SDK2: variants seen among roughly 807,000 people sequenced by gnomAD.
SDK2 encodes sidekick cell adhesion molecule 2, also known as protein sidekick-2.
A neutral mutation model predicts 253.9 loss-of-function variants in SDK2; 105 were observed. The ratio of observed to expected loss-of-function variants is 0.41; its 90% CI spans 0.35 to 0.49. The LOEUF (loss-of-function observed/expected upper bound fraction) is 0.49. SDK2 is among the 20% of genes least tolerant of loss of function. SDK2 has a pLI of 0.06. For missense variants in SDK2, 2,608 were observed against 3,003.0 expected (o/e 0.87, Z 3.07); for synonymous variants, 1,249 against 1,234.9 (o/e 1.01, Z -0.24).
intron 15 of SDK2, among the ~76,000 whole-genome samples, 157 bp from the exon 16 acceptor site, chr17:73,419,463 C>T (rs2063210158): frequency 6.6e-6 from 1 of 152,066 alleles, no homozygotes; most frequent in African/African-American, 2.4e-5. Flanking sequence ...TGAGCTTGTT[C>T]TATAAAAGAA....
chr17:73,610,248 G>A (rs778953131), intron 1 of SDK2, among the ~76,000 whole-genome samples: 5 of 152,198 alleles, frequency 3.3e-5, no homozygotes, highest in Admixed American at 6.5e-5. Context: ...GAGGAAACCC[G>A]TAGGTTTCAT....
rs1015942358 is a variant in SDK2, at chr17:73,582,283, C to T, written c.64+61742G>A. On this transcript the variant is annotated intron_variant, in intron 1 of 44. Coordinates refer to ENST00000392650, the MANE Select transcript of SDK2 (RefSeq NM_001144952.2). ...CCACGCAGGCATCAGCATTTGGGGG[C>T]GCACACCACGCAGGCATCAGCATTT... 5.2e-5 allele frequency among the ~76,000 whole-genome samples: 7 copies of T among 133,566 alleles called. No homozygotes were observed. The South Asian group carries it at 7.4e-4, about 14-fold the overall frequency. The allele number at this position is 133,566 out of a possible 152,430, so 87.6% of individuals were successfully genotyped here. A position where few individuals can be genotyped will look rare whatever the true frequency, so the allele number is the denominator to read the frequency against.
intron 3 of SDK2, among the ~76,000 whole-genome samples, chr17:73,462,145 A>G (rs990540437): frequency 6.6e-6 from 1 of 151,610 alleles, no homozygotes; most frequent in East Asian, 1.9e-4. Context: ...GGTGGGATGT[A>G]TAGTTGTATG....
rs188587960 is a variant in SDK2, at chr17:73,618,570, T to C, written c.64+25455A>G. Among the ~76,000 whole-genome samples the C allele has an allele frequency of 1.0e-3, 158 of 152,292 alleles. No individual in the cohort carries two copies. Among genetic ancestry groups the C allele is most frequent in the Non-Finnish European group, 1.6e-3 (111 of 68,024 alleles). ...ATGAGAGAGGAAAAAGGAGTCTCCATTTCTGCCCCATGAACAGGAAGGGTG... is the reference window on the plus strand; with the variant it reads ...ATGAGAGAGGAAAAAGGAGTCTCCACTTCTGCCCCATGAACAGGAAGGGTG... On this transcript the variant is annotated intron_variant, in intron 1 of 44. Coordinates refer to ENST00000392650, the MANE Select transcript of SDK2 (RefSeq NM_001144952.2). The surrounding 1 kb of genome is among the most constrained non-coding windows in gnomAD (Gnocchi z 4.1).
chr17:73,464,781 A>G (rs2063586155), intron 3 of SDK2, among the ~76,000 whole-genome samples: 1 of 152,102 alleles, frequency 6.6e-6, no homozygotes, highest in Admixed American at 6.6e-5. Context: ...CCATCATATC[A>G]AATAAGACCC....
chr17:73,352,675 G>T lies in SDK2; in HGVS notation c.5594-38C>A. 1 of 1,607,598 alleles carries T rather than the reference G, an allele frequency of 6.2e-7. No homozygotes were observed. ...AGAGATGGAGGCCCTGGGAGGTGAG[G>T]GGAAGCCCCAAATCCCGCTCCCAGC... is the stretch of plus-strand genomic sequence containing the variant. On this transcript the variant is annotated intron_variant, in intron 40 of 44. Transcript: ENST00000392650. This position sits in a 1 kb window ranked among gnomAD's most constrained non-coding sequence, Gnocchi z 4.1.
chr17:73,540,875 T>C (rs1018343293), intron 1 of SDK2, among the ~76,000 whole-genome samples: 5 of 152,150 alleles, frequency 3.3e-5, no homozygotes, highest in Non-Finnish European at 7.4e-5. Flanking sequence ...TGACAGGAGA[T>C]AAGTGGGTGG....
Position 73,361,609 on chromosome 17 carries a change from G to A in SDK2, c.5467+75C>T. On this transcript the variant is annotated intron_variant, in intron 39 of 44. Transcript: ENST00000392650. The surrounding 1 kb of genome is among the most constrained non-coding windows in gnomAD (Gnocchi z 4.1). ...GTTTCCAGGGTCCAGCACAGCTCTT[G>A]ACACCGGGGGCCCCTTCTGACTGGG... The A allele has an allele frequency of 6.7e-7, 1 of 1,491,560 alleles. No individual in the cohort carries two copies. The highest frequency in any genetic ancestry group is 9.2e-7 in the Non-Finnish European group (1 of 1,085,510). The allele number at this position is 1,491,560 out of a possible 1,614,324, so 92.4% of individuals were successfully genotyped here. A position where few individuals can be genotyped will look rare whatever the true frequency, so the allele number is the denominator to read the frequency against.
chr17:73,469,201 G>A (rs1467820215), intron 3 of SDK2, among the ~76,000 whole-genome samples: 1 of 152,156 alleles, frequency 6.6e-6, no homozygotes, highest in Non-Finnish European at 1.5e-5. Context: ...GGCACTACCC[G>A]CAAAGCCCTT....
At chr17:73,627,887 C>T (rs968105890) in intron 1 of SDK2, among the ~76,000 whole-genome samples, 4 of 151,852 alleles carry the variant, frequency 2.6e-5, no homozygotes, top group Non-Finnish European at 4.4e-5. Flanking sequence ...GTCTCCACTA[C>T]AAATACAAAA....
At chr17:73,559,946 C>G (rs1025282671) in intron 1 of SDK2, among the ~76,000 whole-genome samples, 4 of 152,176 alleles carry the variant, frequency 2.6e-5, no homozygotes, top group Non-Finnish European at 5.9e-5. Context: ...CTTTAGCTTG[C>G]TGGGCTCAGT....
intron 8 of SDK2, among the ~76,000 whole-genome samples, chr17:73,436,252 G>A (rs1032786249): frequency 1.3e-5 from 2 of 151,790 alleles, no homozygotes; most frequent in African/African-American, 4.8e-5. Context: ...TCCTCTCCTC[G>A]CTCTCAGCCT....
In SDK2 at chr17:73,433,760, C is replaced by T. The variant is rs368288903; in HGVS notation, c.1284G>A (p.Ala428=). Residue 428 remains alanine (A), a synonymous_variant, in exon 10 of 45, where the codon GCG becomes GCA. Coordinates refer to ENST00000392650, the MANE Select transcript of SDK2 (RefSeq NM_001144952.2). Reference sequence around the variant, plus strand: ...TCTGCCAAGTGATAGCTGGTCGGGGCGCCCCCGAGGTCTCACATGCTAGCA... The same window carrying T: ...TCTGCCAAGTGATAGCTGGTCGGGGTGCCCCCGAGGTCTCACATGCTAGCA... ...SVVLACETSG[A]PRPAITWQKG... is the part of the protein sequence containing the mutation. 22 of 1,607,108 alleles carry T rather than the reference C, an allele frequency of 1.4e-5. No individual in the cohort carries two copies. The highest frequency in any genetic ancestry group is 1.7e-4 in the Middle Eastern group (1 of 6,038).
intron 3 of SDK2, 87 bp downstream of exon 3, chr17:73,472,025 G>T: frequency 2.1e-6 from 2 of 970,818 alleles, no homozygotes; most frequent in Non-Finnish European, 3.1e-6. Context: ...GCCATGACGG[G>T]ATCTGGCTCT....
In SDK2 at chr17:73,496,400, C is replaced by T. The variant is rs1014185912; in HGVS notation, c.224+11038G>A. 3.3e-5 allele frequency among the ~76,000 whole-genome samples: 5 copies of T among 152,090 alleles called. No homozygotes were observed. Among genetic ancestry groups the T allele is most frequent in the African/African-American group, 9.7e-5 (4 of 41,396 alleles). ...GGGCTGGATCTGGGAAGATAAACAA[C>T]GGTTTGCCAGGTAGCAGAGGCGTGC... is the stretch of plus-strand genomic sequence containing the variant. On this transcript the variant is annotated intron_variant, in intron 2 of 44. Transcript: ENST00000392650. This position sits in a 1 kb window ranked among gnomAD's most constrained non-coding sequence, Gnocchi z 4.7.
intron 3 of SDK2, among the ~76,000 whole-genome samples, chr17:73,464,854 C>T (rs2063586681): frequency 6.6e-6 from 1 of 152,202 alleles, no homozygotes; most frequent in Non-Finnish European, 1.5e-5. Context: ...TAGTTTTTGT[C>T]ATGGGCCTTA....
At position 73,505,175 on chromosome 17, in the gene SDK2, C is replaced by T. The variant is rs530186315; in HGVS notation, c.224+2263G>A. 2.0e-5 allele frequency among the ~76,000 whole-genome samples: 3 copies of T among 152,298 alleles called. No homozygotes were observed. The East Asian group carries it at 5.8e-4, about 29-fold the overall frequency. On this transcript the variant is annotated intron_variant, in intron 2 of 44. Coordinates refer to ENST00000392650, the MANE Select transcript of SDK2 (RefSeq NM_001144952.2). ...GTTAGCCGAAAGATTGCTTAGGATA[C>T]ACATTAAGGAAGCAATTGCAGCAAT... is the stretch of plus-strand genomic sequence containing the variant.
chr17:73,346,223 A>AG (rs1469369457), intron 44 of SDK2, among the ~76,000 whole-genome samples: 1 of 151,996 alleles, frequency 6.6e-6, no homozygotes, highest in African/African-American at 2.4e-5. Context: ...AAAAAAAAAA[A>AG]AAAGAAAAAG....
At chr17:73,394,578 G>A (rs915437836) in intron 25 of SDK2, among the ~76,000 whole-genome samples, 2 of 152,212 alleles carry the variant, frequency 1.3e-5, no homozygotes, top group Admixed American at 1.3e-4. Context: ...AGGATTAGAT[G>A]AGCTTGCATT....
Sources: allele counts gnomAD v4.1 joint callset (sites outside exome capture counted in the v4.1 genomes callset), GRCh38; gene constraint gnomAD v4.1.1; non-coding constraint Gnocchi (gnomAD v3.1); transcripts MANE v1.5; gene names NCBI Gene and HGNC (gene_info 2026-07-23, HGNC 2026-07-21).